RYR2: variants seen among roughly 807,000 people sequenced by gnomAD.
The protein encoded by RYR2 is cardiac muscle ryanodine receptor-calcium release channel.
RYR2 carries 227 observed loss-of-function variants against 601.1 expected under a neutral mutation model. That is an observed-to-expected ratio of 0.38 (90% CI 0.34 to 0.42). RYR2 has a LOEUF of 0.42. RYR2 is among the 10% of genes least tolerant of loss of function. The pLI is 1.00. For missense variants in RYR2, 4,646 were observed against 6,156.5 expected (o/e 0.75, Z 8.21); for synonymous variants, 2,223 against 2,175.1 (o/e 1.02, Z -0.61).
At chr1:237,294,248 G>A (rs1211742006) in intron 2 of RYR2, among the ~76,000 whole-genome samples, 1 of 152,096 alleles carries the variant, frequency 6.6e-6, no homozygotes, top group Admixed American at 6.6e-5. Context: ...AGTATCACAA[G>A]AGTTAATTCA....
chr1:237,782,397 A>C (rs997203100), intron 89 of RYR2, among the ~76,000 whole-genome samples: 11 of 152,130 alleles, frequency 7.2e-5, no homozygotes, highest in African/African-American at 1.9e-4. Flanking sequence ...ATACAACCAA[A>C]ACAACTAAGA....
intron 29 of RYR2, among the ~76,000 whole-genome samples, chr1:237,583,061 C>A (rs1674111789): frequency 6.6e-6 from 1 of 152,128 alleles, no homozygotes; most frequent in East Asian, 1.9e-4. Context: ...TATAAGCATT[C>A]TCTTTTCTCC....
intron 10 of RYR2, among the ~76,000 whole-genome samples, chr1:237,406,591 T>C (rs1025352768): frequency 4.6e-5 from 7 of 152,096 alleles, no homozygotes; most frequent in African/African-American, 1.7e-4. Flanking sequence ...GGTGTTATTT[T>C]GTATATTCTG....
intron 10 of RYR2, among the ~76,000 whole-genome samples, chr1:237,390,510 A>G (rs1179734529): frequency 6.8e-6 from 1 of 146,382 alleles, no homozygotes; most frequent in East Asian, 1.9e-4. Context: ...CAACACATTT[A>G]TTGTTATTAT....
chr1:237,832,718 C>A lies in RYR2; in HGVS notation c.*71C>A. The A allele has an allele frequency of 1.2e-6, 1 of 857,260 alleles. No individual in the cohort carries two copies. The allele number at this position is 857,260 out of a possible 1,614,324, so 53.1% of individuals were successfully genotyped here. A position where few individuals can be genotyped will look rare whatever the true frequency, so the allele number is the denominator to read the frequency against. ...CTCCCTCTCTCAATTTCTCTGCTCT[C>A]TTGGAAACATTTTGCTGATTTTGTG... On this transcript the variant is annotated 3_prime_UTR_variant, in exon 105 of 105. Transcript: ENST00000366574.
At chr1:237,196,106 T>G (rs1328312021) in intron 1 of RYR2, among the ~76,000 whole-genome samples, 1 of 152,210 alleles carries the variant, frequency 6.6e-6, no homozygotes, top group Non-Finnish European at 1.5e-5. Flanking sequence ...AAATGTCAAG[T>G]TAATGGCAGC....
chr1:237,292,348 T>A (rs557946579), intron 2 of RYR2, among the ~76,000 whole-genome samples: 86 of 152,226 alleles, frequency 5.6e-4, no homozygotes, highest in African/African-American at 1.9e-3. Flanking sequence ...ATTTGCAAAA[T>A]AGGTACAAAA....
At chr1:237,573,464 A>C (rs1376873379) in intron 29 of RYR2, among the ~76,000 whole-genome samples, 1 of 150,888 alleles carries the variant, frequency 6.6e-6, no homozygotes, top group Non-Finnish European at 1.5e-5. Context: ...TCTTTGAAAG[A>C]CTGATATGGC....
At chr1:237,193,174 A>AAAAAAAAAAAAAAT (rs1680178733) in intron 1 of RYR2, among the ~76,000 whole-genome samples, 1 of 144,808 alleles carries the variant, frequency 6.9e-6, no homozygotes, top group Non-Finnish European at 1.5e-5. Flanking sequence ...GTACAAAAAA[A>AAAAAAAAAAAAAAT]AAAAAAGAAG....
Position 237,474,728 on chromosome 1 carries a change from A to G in RYR2, c.1708+5541A>G, listed in dbSNP as rs57840917. ...GGAGAAAGACTCAGGCCCTACCTCA[A>G]TCTCTTGCCTGGAACAAAGATGCAG... On this transcript the variant is annotated intron_variant, in intron 17 of 104. Coordinates refer to ENST00000366574, the MANE Select transcript of RYR2 (RefSeq NM_001035.3). Among the ~76,000 whole-genome samples the G allele has an allele frequency of 2.0e-4, 31 of 152,212 alleles. No homozygotes were observed. In the East Asian group the frequency reaches 4.6e-3, roughly 23 times the overall value.
At chr1:237,281,024 A>T (rs1294826281) in intron 2 of RYR2, among the ~76,000 whole-genome samples, 1 of 152,086 alleles carries the variant, frequency 6.6e-6, no homozygotes, top group Non-Finnish European at 1.5e-5. Flanking sequence ...ACCTTAGGTG[A>T]TCCGCCTGCC....
chr1:237,799,145 C>T (rs1223960029), intron 97 of RYR2, among the ~76,000 whole-genome samples: 1 of 152,146 alleles, frequency 6.6e-6, no homozygotes, highest in Non-Finnish European at 1.5e-5. Context: ...CAACTTGGAT[C>T]AGCAAATATG....
In RYR2 at chr1:237,192,101, G is replaced by A. The variant is rs971798399; in HGVS notation, c.49-78396G>A. On this transcript the variant is annotated intron_variant, in intron 1 of 104. Transcript: ENST00000366574. Reference sequence around the variant, plus strand: ...TAGAGAAGTCAGGTGATTTGTTTGAGGCCTGATAGCCCACAGGGACAGAGC... The same window carrying A: ...TAGAGAAGTCAGGTGATTTGTTTGAAGCCTGATAGCCCACAGGGACAGAGC... Among the ~76,000 whole-genome samples the A allele has an allele frequency of 2.0e-5, 3 of 151,740 alleles. No individual in the cohort carries two copies. The East Asian group carries it at 5.8e-4, about 29-fold the overall frequency.
chr1:237,787,894 C>A, intron 91 of RYR2, 94 bp from the exon 92 acceptor site: 1 of 1,164,130 alleles, frequency 8.6e-7, no homozygotes, highest in Non-Finnish European at 1.2e-6. Flanking sequence ...AATATGATGG[C>A]CTAAAATATT....
chr1:237,161,381 C>G (rs1675996329), intron 1 of RYR2, among the ~76,000 whole-genome samples: 2 of 151,786 alleles, frequency 1.3e-5, no homozygotes, highest in South Asian at 4.2e-4. Flanking sequence ...ACATTGTGCA[C>G]AGAGAGTTGA....
At chr1:237,051,920 C>T (rs1661332727) in intron 1 of RYR2, among the ~76,000 whole-genome samples, 1 of 152,144 alleles carries the variant, frequency 6.6e-6, no homozygotes, top group African/African-American at 2.4e-5. Flanking sequence ...CTGCTTCTAC[C>T]TGCAGGAAGT....
At chr1:237,635,600 A>AT (rs895418960) in intron 44 of RYR2, among the ~76,000 whole-genome samples, 7 of 151,884 alleles carry the variant, frequency 4.6e-5, no homozygotes, top group Non-Finnish European at 7.4e-5. Flanking sequence ...TAGTCACCTG[A>AT]TTTTTTTTCC....
intron 10 of RYR2, among the ~76,000 whole-genome samples, chr1:237,415,594 GA>G (rs1381339436): frequency 6.6e-6 from 1 of 152,162 alleles, no homozygotes; most frequent in African/African-American, 2.4e-5. Context: ...AACACCATAG[GA>G]AGGCTGTTGG....
intron 2 of RYR2, among the ~76,000 whole-genome samples, chr1:237,296,763 G>A (rs929668043): frequency 6.6e-6 from 1 of 152,158 alleles, no homozygotes; most frequent in African/African-American, 2.4e-5. Context: ...AGACAAAGGG[G>A]CTCAGGTCAA....
Sources: allele counts gnomAD v4.1 joint callset (sites outside exome capture counted in the v4.1 genomes callset), GRCh38; gene constraint gnomAD v4.1.1; transcripts MANE v1.5; gene names NCBI Gene and HGNC (gene_info 2026-07-23, HGNC 2026-07-21).